The following TTBK2 variants were observed in gnomAD, a reference collection of about 807,000 sequenced individuals.
TTBK2 encodes the protein tau-tubulin kinase 2.
A neutral mutation model predicts 110.8 loss-of-function variants in TTBK2; 28 were observed. That is an observed-to-expected ratio of 0.25 (90% CI 0.19 to 0.35). The LOEUF (loss-of-function observed/expected upper bound fraction) is 0.35. Among genes scored for constraint, TTBK2 ranks in the 10% least tolerant of loss-of-function variants. The pLI is 1.00. For synonymous variants in TTBK2, 532 were observed against 527.3 expected (o/e 1.01, Z -0.12); for missense variants, 1,369 against 1,500.3 (o/e 0.91, Z 1.45).
At chr15:42,777,365 T>C (rs1889978111) in intron 11 of TTBK2, 123 bp from the exon 12 acceptor site, 2 of 1,035,184 alleles carry the variant, frequency 1.9e-6, no homozygotes, top group Admixed American at 4.8e-5. Context: ...GATTAGGATA[T>C]TTTGGCTAGT....
In TTBK2 at chr15:42,745,834, G is replaced by C. The variant is rs369876689; in HGVS notation, c.3696C>G (p.Pro1232=). 9 of 1,614,024 alleles carry C rather than the reference G, an allele frequency of 5.6e-6. No individual in the cohort carries two copies. Among genetic ancestry groups the C allele is most frequent in the Non-Finnish European group, 5.9e-6 (7 of 1,180,042 alleles). The part of the protein sequence containing the change: ...LHHHSASTKT[P]QGKSKPASKL... ...TACTGGCTGGCTTACTCTTCCCTTGGGGGGTTTTAGTGCTGGCTGAGTGGT... is the reference window on the plus strand; with the variant it reads ...TACTGGCTGGCTTACTCTTCCCTTGCGGGGTTTTAGTGCTGGCTGAGTGGT... Residue 1232 remains proline, a synonymous_variant, in exon 15 of 15, where the codon CCC becomes CCG. Coordinates refer to ENST00000267890, the MANE Select transcript of TTBK2 (RefSeq NM_173500.4).
chr15:42,754,686 C>T (rs1480553768), intron 13 of TTBK2, among the ~76,000 whole-genome samples: 4 of 144,364 alleles, frequency 2.8e-5, no homozygotes, highest in African/African-American at 5.0e-5. Context: ...TGTGAGCCAC[C>T]GCACCCAGCC....
At position 42,745,586 on chromosome 15, in the gene TTBK2, G is replaced by A. The variant is rs2061780198; in HGVS notation, c.*209C>T. ...GATTTTTGCTCTATTTTTCCTTCTT[G>A]TACAAAGACATTGATTCCTAATCTA... On this transcript the variant is annotated 3_prime_UTR_variant, in exon 15 of 15. Transcript: ENST00000267890. The A allele has an allele frequency of 2.0e-5, 13 of 640,206 alleles. No individual in the cohort carries two copies. The highest frequency in any genetic ancestry group is 3.2e-5 in the Non-Finnish European group (12 of 369,950). 39.7% of individuals were successfully genotyped at this position (640,206 alleles called of 1,614,324 possible).
intron 1 of TTBK2, among the ~76,000 whole-genome samples, 194 bp downstream of exon 1, chr15:42,920,244 G>C (rs1303292523): frequency 1.3e-5 from 2 of 152,186 alleles, no homozygotes; most frequent in East Asian, 1.9e-4. Context: ...CGGGGAAATC[G>C]GGCAGAACCA....
chr15:42,763,043 T>C (rs958955469), intron 13 of TTBK2, among the ~76,000 whole-genome samples: 3 of 143,378 alleles, frequency 2.1e-5, no homozygotes, highest in Non-Finnish European at 3.0e-5. Flanking sequence ...GAATAACTTC[T>C]AGTGTTCCAT....
intron 1 of TTBK2, among the ~76,000 whole-genome samples, chr15:42,916,153 G>C (rs1426856603): frequency 1.3e-5 from 2 of 152,164 alleles, no homozygotes; most frequent in African/African-American, 4.8e-5. Flanking sequence ...TGCTAGGGAA[G>C]TCCAGCAGAA....
At chr15:42,851,608 G>A (rs553618951) in intron 3 of TTBK2, among the ~76,000 whole-genome samples, 1 of 151,980 alleles carries the variant, frequency 6.6e-6, no homozygotes, top group Non-Finnish European at 1.5e-5. Flanking sequence ...GGGTAATGGA[G>A]GGGGATTTTA....
chr15:42,754,075 C>G (rs2061907612), intron 13 of TTBK2, among the ~76,000 whole-genome samples: 1 of 145,118 alleles, frequency 6.9e-6, no homozygotes, highest in South Asian at 2.2e-4. Flanking sequence ...CATGATTTCT[C>G]TAATGTTTTC....
intron 9 of TTBK2, among the ~76,000 whole-genome samples, chr15:42,797,361 C>T (rs1364017343): frequency 3.9e-5 from 6 of 152,122 alleles, no homozygotes; most frequent in African/African-American, 1.4e-4. Flanking sequence ...GGCACTGGAC[C>T]TCAAATTAGA....
rs568380020 is a variant in TTBK2, at chr15:42,836,109, C to T, written c.291+4251G>A. Among the ~76,000 whole-genome samples the T allele has an allele frequency of 2.8e-4, 42 of 151,366 alleles. No individual in the cohort carries two copies. The South Asian group carries it at 8.3e-3, about 30-fold the overall frequency. ...TGCTCATATAAAGCTTCAGTGGTGA[C>T]AAAATACTAGGTGAGACCTGGCTAA... is the stretch of plus-strand genomic sequence containing the variant. On this transcript the variant is annotated intron_variant, in intron 4 of 14. Transcript: ENST00000267890.
intron 11 of TTBK2, among the ~76,000 whole-genome samples, chr15:42,780,124 C>T (rs992932805): frequency 6.6e-5 from 10 of 150,976 alleles, no homozygotes; most frequent in African/African-American, 7.3e-5. Context: ...CAGGTTCAAG[C>T]GATCCTCCAC....
chr15:42,885,225 AG>A (rs1895195090), intron 1 of TTBK2, among the ~76,000 whole-genome samples: 1 of 152,204 alleles, frequency 6.6e-6, no homozygotes, highest in Non-Finnish European at 1.5e-5. Context: ...CTCCTTCGGG[AG>A]ACCAGTCCCC....
At chr15:42,843,072 A>T (rs916914809) in intron 3 of TTBK2, among the ~76,000 whole-genome samples, 1 of 152,210 alleles carries the variant, frequency 6.6e-6, no homozygotes, top group Non-Finnish European at 1.5e-5. Flanking sequence ...TCTGTCATGT[A>T]CAGGGACCGT....
At position 42,744,798 on chromosome 15, in the gene TTBK2, A is replaced by C. The variant is rs1419096482; in HGVS notation, c.*997T>G. ...TATATCTAATTTATTTCTAAATCTC[A>C]AATCACAGTCCAAAGCATTGTGCTT... On this transcript the variant is annotated 3_prime_UTR_variant, in exon 15 of 15. Transcript: ENST00000267890. 2 of 152,418 alleles carry C rather than the reference A, an allele frequency of 1.3e-5. No individual in the cohort carries two copies. Among genetic ancestry groups the C allele is most frequent in the Non-Finnish European group, 2.9e-5 (2 of 68,196 alleles). 9.4% of individuals were successfully genotyped at this position (152,418 alleles called of 1,614,324 possible).
intron 1 of TTBK2, among the ~76,000 whole-genome samples, chr15:42,901,751 C>G (rs957494503): frequency 3.9e-5 from 6 of 151,970 alleles, no homozygotes; most frequent in Non-Finnish European, 8.8e-5. Flanking sequence ...AAGGGATTAA[C>G]ATCTAGAGTA....
chr15:42,776,904 CA>C, intron 12 of TTBK2, 126 bp downstream of exon 12: 1 of 1,001,966 alleles, frequency 1.0e-6, no homozygotes, highest in Non-Finnish European at 1.5e-6. Flanking sequence ...CTCAGTGTTA[CA>C]AAAATGCAAG....
intron 3 of TTBK2, among the ~76,000 whole-genome samples, chr15:42,842,705 G>A (rs1240038550): frequency 6.6e-6 from 1 of 150,388 alleles, no homozygotes; most frequent in Non-Finnish European, 1.5e-5. Context: ...GGGCAACATA[G>A]CAAGACCCCT....
At chr15:42,792,499 CATCTG>C (rs1251401881) in intron 10 of TTBK2, among the ~76,000 whole-genome samples, 1 of 152,158 alleles carries the variant, frequency 6.6e-6, no homozygotes, top group East Asian at 1.9e-4. Flanking sequence ...TGAAATTCAT[CATCTG>C]ATCTATCAGG....
intron 3 of TTBK2, among the ~76,000 whole-genome samples, chr15:42,844,429 C>G (rs1893364311): frequency 6.6e-6 from 1 of 152,108 alleles, no homozygotes; most frequent in African/African-American, 2.4e-5. Flanking sequence ...TGTGGGGGCA[C>G]ATGCCTGTAG....
Sources: allele counts gnomAD v4.1 joint callset (sites outside exome capture counted in the v4.1 genomes callset), GRCh38; gene constraint gnomAD v4.1.1; transcripts MANE v1.5; gene names NCBI Gene and HGNC (gene_info 2026-07-23, HGNC 2026-07-21).